Variants in RABGAP1L observed in about 807,000 individuals in gnomAD.
The protein encoded by RABGAP1L is RAB GTPase activating protein 1 like, also known as rab GTPase-activating protein 1-like.
A neutral mutation model predicts 137.7 loss-of-function variants in RABGAP1L; 63 were observed. That is an observed-to-expected ratio of 0.46 (90% CI 0.37 to 0.56). The LOEUF is 0.56. Ranked by LOEUF, RABGAP1L falls within the 20% of genes least tolerant of loss-of-function variation. RABGAP1L has a pLI of 0.00. For synonymous variants in RABGAP1L, 431 were observed against 433.7 expected (o/e 0.99, Z 0.08); for missense variants, 1,095 against 1,244.0 (o/e 0.88, Z 1.80).
chr1:174,320,461 G>C (rs1262844421), intron 11 of RABGAP1L, among the ~76,000 whole-genome samples: 1 of 152,128 alleles, frequency 6.6e-6, no homozygotes, highest in Non-Finnish European at 1.5e-5. Flanking sequence ...TAGATATGCT[G>C]CAGTTTAGTC....
At chr1:174,988,973 A>G (rs923971681) in intron 25 of RABGAP1L, 135 bp downstream of exon 25, 19 of 617,486 alleles carry the variant, frequency 3.1e-5, no homozygotes, top group Non-Finnish European at 4.4e-5. Flanking sequence ...TGTGTCCTGC[A>G]TAATCACATT....
At chr1:174,558,719 A>G (rs1052933910) in intron 13 of RABGAP1L, among the ~76,000 whole-genome samples, 3 of 152,192 alleles carry the variant, frequency 2.0e-5, no homozygotes, top group African/African-American at 7.2e-5. Flanking sequence ...CATTCCTGAT[A>G]ATGAAAAGTT....
chr1:174,711,544 A>G (rs1186592075), intron 17 of RABGAP1L, among the ~76,000 whole-genome samples: 2 of 152,128 alleles, frequency 1.3e-5, no homozygotes, highest in East Asian at 3.9e-4. Flanking sequence ...CACCCGGGCC[A>G]GCAGCTGTGG....
chr1:174,259,625 G>T (rs891986869), intron 7 of RABGAP1L, among the ~76,000 whole-genome samples: 1 of 152,070 alleles, frequency 6.6e-6, no homozygotes, highest in African/African-American at 2.4e-5. Flanking sequence ...GTATTTTAAA[G>T]AATGTATGAA....
At chr1:174,792,251 T>C (rs1687915011) in intron 18 of RABGAP1L, among the ~76,000 whole-genome samples, 1 of 152,222 alleles carries the variant, frequency 6.6e-6, no homozygotes, top group African/African-American at 2.4e-5. Context: ...TATTATTCTG[T>C]TATATCTAGA....
chr1:174,926,425 T>G (rs1020123890), intron 19 of RABGAP1L, among the ~76,000 whole-genome samples: 8 of 152,188 alleles, frequency 5.3e-5, no homozygotes, highest in Non-Finnish European at 1.2e-4. Flanking sequence ...ATTTAAACCC[T>G]CTTTTATGTT....
intron 13 of RABGAP1L, among the ~76,000 whole-genome samples, chr1:174,614,120 TG>T (rs925433545): frequency 7.6e-4 from 116 of 152,322 alleles, no homozygotes; most frequent in African/African-American, 2.5e-3. Flanking sequence ...CTGGTGATTT[TG>T]CTTGTTAGTT....
intron 11 of RABGAP1L, among the ~76,000 whole-genome samples, chr1:174,309,677 T>C (rs1325940722): frequency 6.6e-6 from 1 of 152,118 alleles, no homozygotes; most frequent in Non-Finnish European, 1.5e-5. Context: ...ATATGTTAAC[T>C]CATTCTTGCA....
chr1:174,435,216 C>G (rs1653116781), intron 13 of RABGAP1L, among the ~76,000 whole-genome samples: 1 of 152,104 alleles, frequency 6.6e-6, no homozygotes. Flanking sequence ...CAAGGTCTTG[C>G]TATGTTGCCC....
chr1:174,645,777 C>T (rs1674920067), intron 14 of RABGAP1L, among the ~76,000 whole-genome samples: 1 of 152,058 alleles, frequency 6.6e-6, no homozygotes. Flanking sequence ...AGTTCTAGAT[C>T]CTTGAGGAAT....
chr1:174,195,616 T>TCTTTCTTTCTTTCTTTCTTC (rs1234228992), intron 1 of RABGAP1L, among the ~76,000 whole-genome samples: 15 of 57,670 alleles, frequency 2.6e-4, no homozygotes, highest in African/African-American at 4.6e-4. Flanking sequence ...TTTCTTTCTT[T>TCTTTCTTTCTTTCTTTCTTC]CTTCCTTCCT....
intron 18 of RABGAP1L, among the ~76,000 whole-genome samples, chr1:174,773,845 C>T (rs1029786249): frequency 6.6e-6 from 1 of 152,226 alleles, no homozygotes; most frequent in African/African-American, 2.4e-5. Flanking sequence ...AACTCCATTT[C>T]ACTCTGACCA....
At chr1:174,968,540 G>GT (rs950331924) in intron 20 of RABGAP1L, among the ~76,000 whole-genome samples, 55 of 141,140 alleles carry the variant, frequency 3.9e-4, no homozygotes, top group Non-Finnish European at 8.0e-4. Context: ...TGTTTGTTTC[G>GT]TTTTTTTGTT....
At chr1:174,932,497 C>T (rs1664009664) in intron 19 of RABGAP1L, among the ~76,000 whole-genome samples, 1 of 151,854 alleles carries the variant, frequency 6.6e-6, no homozygotes, top group Admixed American at 6.6e-5. Flanking sequence ...TTTTCTCATC[C>T]CATTCATTCT....
chr1:174,412,082 G>C lies in RABGAP1L; in HGVS notation c.1710+17937G>C, dbSNP rs114378047. On this transcript the variant is annotated intron_variant, in intron 13 of 25. Transcript: ENST00000681986. Reference sequence around the variant, plus strand: ...TGTCTAATGCTGTCAGTGGGGTGTTGAAGTTCCCCACTATTACTGTGTGGC... The same window carrying C: ...TGTCTAATGCTGTCAGTGGGGTGTTCAAGTTCCCCACTATTACTGTGTGGC... Among the ~76,000 whole-genome samples, 1,375 of 152,106 alleles carry C rather than the reference G, an allele frequency of 9.0e-3. 25 individuals carry two copies. The highest frequency in any genetic ancestry group is 0.032 in the African/African-American group (1,327 of 41,512).
chr1:174,874,008 C>G (rs1652647484), intron 19 of RABGAP1L, among the ~76,000 whole-genome samples: 1 of 151,944 alleles, frequency 6.6e-6, no homozygotes, highest in African/African-American at 2.4e-5. Flanking sequence ...ATAGTATGAC[C>G]CAGGTATGCT....
intron 13 of RABGAP1L, 140 bp from the exon 14 acceptor site, chr1:174,637,235 G>C: frequency 6.6e-6 from 4 of 602,996 alleles, no homozygotes; most frequent in Non-Finnish European, 1.2e-5. Context: ...ATAGGACTAT[G>C]GGTCTGGGAT....
chr1:174,247,863 C>G (rs1214108264), intron 5 of RABGAP1L, among the ~76,000 whole-genome samples: 1 of 152,118 alleles, frequency 6.6e-6, no homozygotes, highest in Non-Finnish European at 1.5e-5. Flanking sequence ...TTTGGAGCCC[C>G]TCTCCCTCTG....
intron 13 of RABGAP1L, among the ~76,000 whole-genome samples, chr1:174,416,019 C>CATACATATATATATATATATAT (rs1192968896): frequency 7.7e-6 from 1 of 129,050 alleles, no homozygotes; most frequent in African/African-American, 3.7e-5. Flanking sequence ...AGAAAATTTA[C>CATACATATATATATATATATAT]ATATATATAT....
Sources: gnomAD v4.1 joint callset for allele counts (sites outside exome capture counted in the v4.1 genomes callset) on GRCh38, gnomAD v4.1.1 for gene constraint, MANE v1.5 for transcripts, NCBI Gene and HGNC (gene_info 2026-07-23, HGNC 2026-07-21) for gene names.